Variants in ASTN2 observed in about 807,000 individuals in gnomAD.
ASTN2 encodes astrotactin 2, also known as astrotactin-2.
A neutral mutation model predicts 139.8 loss-of-function variants in ASTN2; 54 were observed. The ratio of observed to expected loss-of-function variants is 0.39; its 90% CI spans 0.31 to 0.48. ASTN2 has a LOEUF of 0.48. Among genes scored for constraint, ASTN2 ranks in the 20% least tolerant of loss-of-function variants. The pLI, the probability that ASTN2 is intolerant of heterozygous loss-of-function variation, is 0.95. For synonymous variants in ASTN2, 756 were observed against 719.5 expected, an observed-to-expected ratio of 1.05 and a Z score of -0.81; for missense variants, 1,565 against 1,725.1, an observed-to-expected ratio of 0.91 and a Z score of 1.64.
intron 11 of ASTN2, among the ~76,000 whole-genome samples, chr9:116,853,214 A>G (rs1411703533): frequency 6.6e-6 from 1 of 152,128 alleles, no homozygotes; most frequent in Non-Finnish European, 1.5e-5. Flanking sequence ...TTTTTTCTTT[A>G]TACATTTCAA....
intron 2 of ASTN2, among the ~76,000 whole-genome samples, chr9:117,280,831 G>T (rs1279216514): frequency 6.6e-6 from 1 of 152,064 alleles, no homozygotes; most frequent in Admixed American, 6.6e-5. Flanking sequence ...GTCTTGGGGG[G>T]AGACACTTTG....
chr9:117,176,631 C>T (rs756344342), intron 3 of ASTN2, among the ~76,000 whole-genome samples: 3 of 152,060 alleles, frequency 2.0e-5, no homozygotes, highest in East Asian at 1.9e-4. Flanking sequence ...GAAAGATCAG[C>T]GCTAAAATTT....
intron 10 of ASTN2, among the ~76,000 whole-genome samples, chr9:116,884,396 C>T (rs1375994981): frequency 6.6e-6 from 1 of 152,088 alleles, no homozygotes; most frequent in Non-Finnish European, 1.5e-5. Context: ...GGCTAGAAGT[C>T]CAAAATTAAG....
chr9:117,144,660 G>GTTTTTTTTTTTTTTTTTTT (rs71379267), intron 3 of ASTN2, among the ~76,000 whole-genome samples: 4 of 78,348 alleles, frequency 5.1e-5, no homozygotes, highest in African/African-American at 2.4e-4. Flanking sequence ...GTGAACACTA[G>GTTTTTTTTTTTTTTTTTTT]TTTTTTTTTT....
At chr9:116,701,534 C>A (rs529201438) in intron 16 of ASTN2, among the ~76,000 whole-genome samples, 1 of 152,184 alleles carries the variant, frequency 6.6e-6, no homozygotes, top group African/African-American at 2.4e-5. Flanking sequence ...GCCTTTGGCA[C>A]ACAGTTTGCA....
intron 5 of ASTN2, among the ~76,000 whole-genome samples, chr9:117,073,876 C>A (rs1191359175): frequency 6.6e-6 from 1 of 152,114 alleles, no homozygotes; most frequent in Non-Finnish European, 1.5e-5. Flanking sequence ...TGGAACAAAG[C>A]CTGCCCTAGT....
chr9:117,071,881 C>T (rs947657733), intron 5 of ASTN2, among the ~76,000 whole-genome samples: 13 of 152,138 alleles, frequency 8.5e-5, no homozygotes, highest in South Asian at 2.1e-4. Context: ...GCGCACCGTG[C>T]GCGCACCCAC....
At chr9:117,334,337 T>C (rs1291639968) in intron 1 of ASTN2, among the ~76,000 whole-genome samples, 1 of 152,142 alleles carries the variant, frequency 6.6e-6, no homozygotes, top group African/African-American at 2.4e-5. Flanking sequence ...ATCAGGAAGT[T>C]CTGCTTTCAG....
intron 20 of ASTN2, among the ~76,000 whole-genome samples, chr9:116,462,788 A>ATGTGTGTGTGTGTGTGTGTGTG (rs55926547): frequency 2.7e-5 from 4 of 146,092 alleles, no homozygotes; most frequent in African/African-American, 1.0e-4. Context: ...TTGGGTGAGC[A>ATGTGTGTGTGTGTGTGTGTGTG]TGTGTGTGTG....
chr9:116,440,832 G>GA (rs1588060568), intron 21 of ASTN2, 40 bp from the exon 22 acceptor site: 1 of 1,574,420 alleles, frequency 6.4e-7, no homozygotes, highest in Non-Finnish European at 8.7e-7. Flanking sequence ...ACTGGGTGGT[G>GA]AAAAAAAGTA....
chr9:117,156,445 C>T (rs1830435135), intron 3 of ASTN2, among the ~76,000 whole-genome samples: 1 of 151,984 alleles, frequency 6.6e-6, no homozygotes, highest in Non-Finnish European at 1.5e-5. Flanking sequence ...TGGAAACTGT[C>T]TGATGCATTG....
chr9:117,047,888 T>C (rs1353844052), intron 5 of ASTN2, among the ~76,000 whole-genome samples: 1 of 152,164 alleles, frequency 6.6e-6, no homozygotes, highest in East Asian at 1.9e-4. Context: ...CTATCACTAG[T>C]AACATAGCCA....
At chr9:116,693,746 A>T (rs1423517851) in intron 16 of ASTN2, among the ~76,000 whole-genome samples, 3 of 152,222 alleles carry the variant, frequency 2.0e-5, no homozygotes, top group African/African-American at 7.2e-5. Flanking sequence ...CTGGCAGAAA[A>T]TGGGCAGCTT....
At chr9:117,065,647 A>G (rs1827913537) in intron 5 of ASTN2, among the ~76,000 whole-genome samples, 1 of 152,216 alleles carries the variant, frequency 6.6e-6, no homozygotes, top group Non-Finnish European at 1.5e-5. Context: ...ACAGGTGTTG[A>G]GGAAATGTCT....
At chr9:116,490,064 G>A (rs1849465132) in intron 19 of ASTN2, among the ~76,000 whole-genome samples, 1 of 151,750 alleles carries the variant, frequency 6.6e-6, no homozygotes, top group African/African-American at 2.4e-5. Context: ...TAAAGCCAAG[G>A]GTCTAGAAAG....
chr9:116,801,657 T>C (rs1158866862), intron 13 of ASTN2, among the ~76,000 whole-genome samples: 2 of 116,702 alleles, frequency 1.7e-5, no homozygotes, highest in Non-Finnish European at 3.9e-5. Context: ...AAGGAAAAGA[T>C]AAATTTAGAC....
chr9:116,994,239 T>C (rs1486090669), intron 7 of ASTN2, among the ~76,000 whole-genome samples: 2 of 152,132 alleles, frequency 1.3e-5, no homozygotes, highest in East Asian at 1.9e-4. Context: ...ACAAAAGCTG[T>C]CATGGGCAAT....
At chr9:116,753,022 C>A (rs1211948825) in intron 13 of ASTN2, among the ~76,000 whole-genome samples, 1 of 152,186 alleles carries the variant, frequency 6.6e-6, no homozygotes, top group Non-Finnish European at 1.5e-5. Flanking sequence ...TTAATATTTA[C>A]CCAAATGAGT....
chr9:116,682,093 A>G (rs1859912662), intron 16 of ASTN2, among the ~76,000 whole-genome samples: 1 of 151,860 alleles, frequency 6.6e-6, no homozygotes, highest in African/African-American at 2.4e-5. Context: ...CAGGCAACCT[A>G]CAAAATGGGA....
Sources: allele counts gnomAD v4.1 joint callset (sites outside exome capture counted in the v4.1 genomes callset), GRCh38; gene constraint gnomAD v4.1.1; transcripts MANE v1.5; gene names NCBI Gene and HGNC (gene_info 2026-07-23, HGNC 2026-07-21).